DMTF1: variants seen among roughly 807,000 people sequenced by gnomAD.
The protein encoded by DMTF1 is cyclin D binding myb like transcription factor 1, also known as cyclin-D-binding Myb-like transcription factor 1.
In DMTF1, 39 loss-of-function variants were observed where a neutral mutation model predicts 91.1. The ratio of observed to expected loss-of-function variants is 0.43; its 90% CI spans 0.33 to 0.56. The LOEUF is 0.56. Among genes scored for constraint, DMTF1 ranks in the 20% least tolerant of loss-of-function variants. The probability of loss-of-function intolerance (pLI) is 0.05; values close to 1 mark genes in which losing one functional copy is unlikely to be tolerated. For synonymous variants in DMTF1, 338 were observed against 309.5 expected (o/e 1.09, Z -0.97); for missense variants, 750 against 914.5 (o/e 0.82, Z 2.32).
At position 87,166,488 on chromosome 7, in the gene DMTF1, G is replaced by A; in HGVS notation, c.115G>A (p.Asp39Asn). The part of the protein sequence containing the change: ...LILHCPQNEA[D>N]EIDSEDSIEP... ...TGTTTGTTTTCTTCCATTAGAAGCG[G>A]ATGAAATAGACTCAGAAGATAGTAT... Residue 39 changes from aspartate (D) to asparagine (N), a missense_variant, in exon 4 of 18, where the codon GAT (aspartate) becomes AAT (asparagine). Asp to Asn is a conservative substitution (Grantham distance 23, BLOSUM62 1). This residue lies in a region of DMTF1 where 150 missense variants were observed against 150.4 expected (regional missense o/e 1.00). Transcript: ENST00000331242. 7 of 1,609,598 alleles carry A rather than the reference G, an allele frequency of 4.3e-6. No homozygotes were observed. The highest frequency in any genetic ancestry group is 5.9e-6 in the Non-Finnish European group (7 of 1,178,624).
chr7:87,196,074 C>T lies in DMTF1; in HGVS notation c.*934C>T, dbSNP rs1801160766. The T allele has an allele frequency of 6.6e-6, 1 of 152,364 alleles. No homozygotes were observed. The highest frequency in any genetic ancestry group is 6.6e-5 in the Admixed American group (1 of 15,220). 9.4% of individuals were successfully genotyped at this position (152,364 alleles called of 1,614,324 possible). On this transcript the variant is annotated 3_prime_UTR_variant, in exon 18 of 18. Transcript: ENST00000331242. Reference sequence around the variant, plus strand: ...AAGGAAACAAATCTAAGAATCATTCCTGTACTACAGAAGGGTTAAGGCAAA... The same window carrying T: ...AAGGAAACAAATCTAAGAATCATTCTTGTACTACAGAAGGGTTAAGGCAAA...
chr7:87,192,594 A>G (rs1414164449), intron 14 of DMTF1: 1 of 152,168 alleles, frequency 6.6e-6, no homozygotes, highest in Non-Finnish European at 1.5e-5. Flanking sequence ...TTAGAATATT[A>G]AGATAAACCT....
chr7:87,165,089 AT>A, intron 3 of DMTF1, 39 bp downstream of exon 3: 1 of 1,465,230 alleles, frequency 6.8e-7, no homozygotes, highest in Non-Finnish European at 9.5e-7. Context: ...GACTCTCTGA[AT>A]TTATGAATTC....
Position 87,154,935 on chromosome 7 carries a change from AG to A in DMTF1, c.-132+2381del, listed in dbSNP as rs1562764647. ...CCGCAAAAAATCTTACCTTTCTATT[AG>A]CCTCATTTATCTCTCCAAAATCTAC... On this transcript the variant is annotated intron_variant, in intron 1 of 17. Transcript: ENST00000331242. Among the ~76,000 whole-genome samples, 3 of 152,318 alleles carry A rather than the reference AG, an allele frequency of 2.0e-5. No homozygotes were observed. The East Asian group carries it at 5.8e-4, about 29-fold the overall frequency.
At chr7:87,183,336 G>A (rs536847115) in intron 10 of DMTF1, among the ~76,000 whole-genome samples, 2 of 152,304 alleles carry the variant, frequency 1.3e-5, no homozygotes, top group Non-Finnish European at 2.9e-5. Context: ...GTAAGATGCT[G>A]TGAGTACAGA....
At chr7:87,156,473 T>C (rs1389716071) in intron 1 of DMTF1, among the ~76,000 whole-genome samples, 2 of 152,174 alleles carry the variant, frequency 1.3e-5, no homozygotes, top group Non-Finnish European at 2.9e-5. Context: ...ATATGCCTTA[T>C]GTTCATTTAT....
chr7:87,194,108 T>C lies in DMTF1; in HGVS notation c.2028+6T>C. ...CCAGTGCTTATGTTACTGAGGTAAG[T>C]TGTACTTTAAGAACAACTGAATGGA... On this transcript the variant is annotated splice_donor_region_variant and intron_variant, in intron 16 of 17. Transcript: ENST00000331242. 6.4e-7 allele frequency: 1 copy of C among 1,556,412 alleles called. No individual in the cohort carries two copies. The highest frequency in any genetic ancestry group is 8.7e-7 in the Non-Finnish European group (1 of 1,153,362).
At chr7:87,171,138 T>C in intron 5 of DMTF1, 49 bp downstream of exon 5, 1 of 1,245,280 alleles carries the variant, frequency 8.0e-7, no homozygotes, top group Non-Finnish European at 1.2e-6. Context: ...CTTTACACAT[T>C]GCTTAGCTAA....
rs1405655516 is a variant in DMTF1, at chr7:87,184,572, A to G, written c.996A>G (p.Lys332=). The G allele has an allele frequency of 1.9e-6, 3 of 1,613,886 alleles. No homozygotes were observed. The African/African-American group carries it at 4.0e-5, about 22-fold the overall frequency. ...AATGGCTCAACTACCTGAATTGGAA[A>G]CAGAGTGGGGGTACTGAATGGACCA... ...RSKWLNYLNW[K]QSGGTEWTKE... The change falls in exon 11 of 18, where the codon AAA becomes AAG. Residue 332 remains lysine (K), a synonymous_variant. Transcript: ENST00000331242.
chr7:87,158,069 A>G (rs891971176), intron 1 of DMTF1, among the ~76,000 whole-genome samples: 3 of 152,108 alleles, frequency 2.0e-5, no homozygotes, highest in Non-Finnish European at 2.9e-5. Context: ...AGTCATAAAT[A>G]AAACTATCAA....
Position 87,166,439 on chromosome 7 carries a change from C to G in DMTF1, c.110-44C>G, listed in dbSNP as rs755181307. The G allele has an allele frequency of 1.9e-6, 3 of 1,569,414 alleles. No individual in the cohort carries two copies. In the African/African-American group the frequency reaches 4.1e-5, roughly 22 times the overall value. On this transcript the variant is annotated intron_variant, in intron 3 of 17. Transcript: ENST00000331242. ...AGCCATTGTTAGAGATTTTATTTTC[C>G]CTCTTTGGTTTGAAATTTTTGTTTG...
chr7:87,160,634 C>T (rs902760597), intron 1 of DMTF1, among the ~76,000 whole-genome samples: 4 of 152,108 alleles, frequency 2.6e-5, no homozygotes, highest in Non-Finnish European at 5.9e-5. Flanking sequence ...AGGCTTCTGC[C>T]TCTACTACTC....
In DMTF1 at chr7:87,194,053, T is replaced by A; in HGVS notation, c.1979T>A (p.Leu660His). 2 of 1,611,180 alleles carry A rather than the reference T, an allele frequency of 1.2e-6. No homozygotes were observed. Among genetic ancestry groups the A allele is most frequent in the South Asian group, 2.2e-5 (2 of 90,522 alleles). Reference sequence around the variant, plus strand: ...GAAGAAGAAATCTCTGACACCGACCTTAAACAAGAGGAATCACCCTCTGAT... The same window carrying A: ...GAAGAAGAAATCTCTGACACCGACCATAAACAAGAGGAATCACCCTCTGAT... ...RTEEEISDTDLKQEESPSDLA... is the reference protein window; with the variant it reads ...RTEEEISDTDHKQEESPSDLA... The change falls in exon 16 of 18, where the codon CTT becomes CAT. Residue 660 changes from leucine to histidine, a missense_variant. Leu to His is a moderately conservative substitution (Grantham distance 99). Transcript: ENST00000331242.
At position 87,190,882 on chromosome 7, in the gene DMTF1, T is replaced by C. The variant is rs117624026; in HGVS notation, c.1412-63T>C. 8,353 of 1,427,940 alleles carry C rather than the reference T, an allele frequency of 5.8e-3. 27 individuals carry two copies. The highest frequency in any genetic ancestry group is 7.3e-3 in the Non-Finnish European group (7,552 of 1,039,110). The allele number at this position is 1,427,940 out of a possible 1,614,324, so 88.5% of individuals were successfully genotyped here. A position where few individuals can be genotyped will look rare whatever the true frequency, so the allele number is the denominator to read the frequency against. Reference sequence around the variant, plus strand: ...TGATAATTGAGTACACTAGAGAAACTTAAATTAACAAAACATTTATTGTAA... The same window carrying C: ...TGATAATTGAGTACACTAGAGAAACCTAAATTAACAAAACATTTATTGTAA... On this transcript the variant is annotated intron_variant, in intron 13 of 17. Coordinates refer to ENST00000331242, the MANE Select transcript of DMTF1 (RefSeq NM_001142327.2).
chr7:87,155,488 C>G (rs1562766140), intron 1 of DMTF1: 1 of 151,970 alleles, frequency 6.6e-6, no homozygotes, highest in Non-Finnish European at 1.5e-5. Flanking sequence ...CAAGAAGACC[C>G]GAGAAAGTGG....
chr7:87,179,619 T>A lies in DMTF1; in HGVS notation c.594T>A (p.Thr198=). 6.3e-7 allele frequency: 1 copy of A among 1,583,702 alleles called. No individual in the cohort carries two copies. Among genetic ancestry groups the A allele is most frequent in the Non-Finnish European group, 8.5e-7 (1 of 1,170,286 alleles). The stretch of plus-strand genomic sequence containing the variant: ...ACGAAAGAAAAGATTTCTACAGGAC[T>A]ATAGCATGGGGTCTGAACCGGCCTT... The part of the protein sequence containing the change: ...SKDERKDFYR[T]IAWGLNRPLF... Residue 198 remains threonine (T), a synonymous_variant, in exon 8 of 18, where the codon ACT becomes ACA. Transcript: ENST00000331242.
chr7:87,164,994 C>A lies in DMTF1; in HGVS notation c.53C>A (p.Ser18Tyr). The change falls in exon 3 of 18, where the codon TCT (serine) becomes TAT (tyrosine). Residue 18 changes from serine (S) to tyrosine (Y), a missense_variant. This residue lies in a region of DMTF1 where 150 missense variants were observed against 150.4 expected (regional missense o/e 1.00). Transcript: ENST00000331242. ...SDTVTVETVN[S>Y]VTLTQDTEGN... is the part of the protein sequence containing the mutation. ...ACAGTAACAGTAGAAACTGTGAACT[C>A]TGTGACTTTGACTCAGGACACAGAA... 6.2e-7 allele frequency: 1 copy of A among 1,610,878 alleles called. No homozygotes were observed. The highest frequency in any genetic ancestry group is 8.5e-7 in the Non-Finnish European group (1 of 1,178,524).
intron 1 of DMTF1, among the ~76,000 whole-genome samples, chr7:87,153,899 GT>G (rs1329384079): frequency 2.6e-5 from 4 of 151,908 alleles, no homozygotes; most frequent in African/African-American, 9.7e-5. Flanking sequence ...TCAGTTAAGG[GT>G]TTTCATGTTT....
chr7:87,189,922 G>A (rs1562850670), intron 13 of DMTF1, among the ~76,000 whole-genome samples: 1 of 152,042 alleles, frequency 6.6e-6, no homozygotes, highest in Non-Finnish European at 1.5e-5. Context: ...CCATCAAACA[G>A]TAAGATGAAT....
Sources: gnomAD v4.1 joint callset for allele counts (sites outside exome capture counted in the v4.1 genomes callset) on GRCh38, gnomAD v4.1.1 for gene constraint, gnomAD v4.1.1 regional missense constraint, MANE v1.5 for transcripts, NCBI Gene and HGNC (gene_info 2026-07-23, HGNC 2026-07-21) for gene names.